FAM227A: variants seen among roughly 807,000 people sequenced by gnomAD.
The protein encoded by FAM227A is protein FAM227A.
In FAM227A, 80 loss-of-function variants were observed where a neutral mutation model predicts 74.7. The ratio of observed to expected loss-of-function variants is 1.07; its 90% CI spans 0.89 to 1.29. FAM227A has a LOEUF of 1.29. FAM227A is among the 50% of genes most tolerant of loss of function. The pLI is 0.00. For missense variants in FAM227A, 654 were observed against 683.4 expected (o/e 0.96, Z 0.48); for synonymous variants, 237 against 241.8 (o/e 0.98, Z 0.19).
chr22:38,650,211 T>C lies in FAM227A; in HGVS notation c.-43A>G, dbSNP rs2092304488. The C allele has an allele frequency of 1.3e-6, 2 of 1,541,942 alleles. No homozygotes were observed. Among genetic ancestry groups the C allele is most frequent in the Non-Finnish European group, 1.8e-6 (2 of 1,140,054 alleles). On this transcript the variant is annotated 5_prime_UTR_variant, in exon 2 of 17. An upstream open reading frame in the 5' UTR loses its in-frame stop. Transcript: ENST00000535113. ...ATGGACAAACAAAAAGCTTCCACTT[T>C]TAAGAGCCTCTCATTTCCCACTCCA...
At chr22:38,613,230 A>AT (rs1171972968) in intron 11 of FAM227A, among the ~76,000 whole-genome samples, 2 of 55,218 alleles carry the variant, frequency 3.6e-5, no homozygotes, top group Non-Finnish European at 6.4e-5. Flanking sequence ...TATATATATT[A>AT]TATATATAAT....
chr22:38,605,152 C>T, intron 13 of FAM227A, 102 bp downstream of exon 13: 1 of 692,592 alleles, frequency 1.4e-6, no homozygotes, highest in Non-Finnish European at 2.5e-6. Context: ...TAGTACCTGG[C>T]ATATAGTAAA....
At chr22:38,588,609 T>C (rs1419367886) in intron 16 of FAM227A, among the ~76,000 whole-genome samples, 3 of 80,398 alleles carry the variant, frequency 3.7e-5, no homozygotes, top group Non-Finnish European at 7.0e-5. Flanking sequence ...ACAGAGTGAC[T>C]CTGTCTAAAA....
intron 6 of FAM227A, among the ~76,000 whole-genome samples, chr22:38,633,326 C>T (rs889653234): frequency 5.3e-5 from 8 of 152,144 alleles, no homozygotes; most frequent in South Asian, 2.1e-4. Flanking sequence ...TGAAGGAAAA[C>T]GTTCCTCATA....
chr22:38,616,306 G>A (rs2091574590), intron 11 of FAM227A, among the ~76,000 whole-genome samples: 1 of 152,246 alleles, frequency 6.6e-6, no homozygotes, highest in African/African-American at 2.4e-5. Context: ...AGCAGCTGCA[G>A]TGGCTGCCGG....
In FAM227A at chr22:38,650,086, A is replaced by G; in HGVS notation, c.83T>C (p.Leu28Pro). The G allele has an allele frequency of 6.4e-7, 1 of 1,552,148 alleles. No individual in the cohort carries two copies. The highest frequency in any genetic ancestry group is 8.7e-7 in the Non-Finnish European group (1 of 1,147,096). ...IPVDEHLAVS[L>P]VARNTMVKTV... ...CTTCACCATTGTATTCCGTGCGACAAGCGAGACAGCCAGGTGCTCATCCAC... is the reference window on the plus strand; with the variant it reads ...CTTCACCATTGTATTCCGTGCGACAGGCGAGACAGCCAGGTGCTCATCCAC... Residue 28 changes from leucine to proline, a missense_variant, in exon 2 of 17, where the codon CTT (leucine) becomes CCT (proline). Leu to Pro is a moderately conservative substitution (Grantham distance 98). Transcript: ENST00000535113.
At chr22:38,649,792 T>G (rs1397884781) in intron 2 of FAM227A, among the ~76,000 whole-genome samples, 1 of 150,094 alleles carries the variant, frequency 6.7e-6, no homozygotes, top group African/African-American at 2.5e-5. Context: ...TGCTCGAACC[T>G]GGGAGGTAGA....
At chr22:38,628,150 T>G (rs1001283675) in intron 8 of FAM227A, 88 bp downstream of exon 8, 1 of 800,058 alleles carries the variant, frequency 1.2e-6, no homozygotes. Flanking sequence ...TACTCCCTTA[T>G]GTAAAGAATG....
In FAM227A at chr22:38,582,386, T is replaced by C. The variant is rs1354100383; in HGVS notation, c.*3739A>G. On this transcript the variant is annotated 3_prime_UTR_variant, in exon 17 of 17. Transcript: ENST00000535113. Reference sequence around the variant, plus strand: ...TTTATCTTCTTCCATGCTGAGAGTATGGGTTTTCAGCAACACTGGGAATGA... The same window carrying C: ...TTTATCTTCTTCCATGCTGAGAGTACGGGTTTTCAGCAACACTGGGAATGA... 3 of 1,550,418 alleles carry C rather than the reference T, an allele frequency of 1.9e-6. No homozygotes were observed. The highest frequency in any genetic ancestry group is 1.4e-5 in the African/African-American group (1 of 73,050).
chr22:38,586,515 C>T (rs549367207), intron 16 of FAM227A, among the ~76,000 whole-genome samples: 13 of 152,230 alleles, frequency 8.5e-5, no homozygotes, highest in South Asian at 6.2e-4. Flanking sequence ...CCTCTGGTGA[C>T]GCTGAAAACC....
At chr22:38,652,651 C>A (rs2092339809) in intron 1 of FAM227A, among the ~76,000 whole-genome samples, 1 of 150,360 alleles carries the variant, frequency 6.7e-6, no homozygotes, top group Non-Finnish European at 1.5e-5. Flanking sequence ...CTTTGGGAAG[C>A]CGAGGCAGGT....
At chr22:38,645,690 A>C (rs752979623) in intron 2 of FAM227A, 45 bp from the exon 3 acceptor site, 1 of 1,256,402 alleles carries the variant, frequency 8.0e-7, no homozygotes, top group Admixed American at 2.0e-5. Flanking sequence ...ATGATTACAC[A>C]CACAACAGGA....
chr22:38,636,380 G>C, intron 6 of FAM227A, 71 bp downstream of exon 6: 2 of 1,484,000 alleles, frequency 1.3e-6, no homozygotes, highest in Non-Finnish European at 1.8e-6. Flanking sequence ...TTCTCCTGGG[G>C]TGTGAAAGGG....
chr22:38,630,226 C>T (rs1376664164), intron 6 of FAM227A, among the ~76,000 whole-genome samples: 1 of 152,264 alleles, frequency 6.6e-6, no homozygotes, highest in Non-Finnish European at 1.5e-5. Context: ...CGGAAAGACC[C>T]GGTGGCATTG....
At chr22:38,623,460 T>C (rs2091734983) in intron 9 of FAM227A, among the ~76,000 whole-genome samples, 181 bp from the exon 10 acceptor site, 1 of 152,230 alleles carries the variant, frequency 6.6e-6, no homozygotes. Flanking sequence ...TGGACGCTTC[T>C]GCAAAAGAGG....
At chr22:38,613,260 TTATAA>T (rs2091479223) in intron 11 of FAM227A, among the ~76,000 whole-genome samples, 1 of 61,642 alleles carries the variant, frequency 1.6e-5, no homozygotes, top group African/African-American at 6.8e-5. Context: ...ATAACATATA[TTATAA>T]CATATATTAT....
Position 38,578,180 on chromosome 22 carries a change from G to T in FAM227A, c.*7945C>A, listed in dbSNP as rs555727811. 6.6e-6 allele frequency: 1 copy of T among 152,164 alleles called. No individual in the cohort carries two copies. The highest frequency in any genetic ancestry group is 6.5e-5 in the Admixed American group (1 of 15,282). The allele number at this position is 152,164 out of a possible 1,614,324, so 9.4% of individuals were successfully genotyped here. A position where few individuals can be genotyped will look rare whatever the true frequency, so the allele number is the denominator to read the frequency against. The stretch of plus-strand genomic sequence containing the variant: ...ATTGTGTACTATATTTTATATGACT[G>T]GCAGGCAACACAGTACATTTGTTCA... On this transcript the variant is annotated 3_prime_UTR_variant, in exon 17 of 17. Coordinates refer to ENST00000535113, the MANE Select transcript of FAM227A (RefSeq NM_001013647.2).
intron 6 of FAM227A, among the ~76,000 whole-genome samples, chr22:38,630,715 AGAT>A (rs1376002536): frequency 3.3e-5 from 5 of 152,358 alleles, no homozygotes; most frequent in African/African-American, 1.2e-4. Flanking sequence ...CAGGTGCTCA[AGAT>A]GATGCCATAG....
At position 38,626,891 on chromosome 22, in the gene FAM227A, AATATATATAT is replaced by A. The variant is rs1555966997; in HGVS notation, c.727-598_727-589del. On this transcript the variant is annotated intron_variant, in intron 8 of 16. Transcript: ENST00000535113. ...AAAAAAAAAAAAAAAAAAAAAAAAA[AATATATATAT>A]ATATATATATATACACGTATATATA... Among the ~76,000 whole-genome samples the A allele has an allele frequency of 5.7e-4, 33 of 57,690 alleles. 1 individual carries two copies. Among genetic ancestry groups the A allele is most frequent in the African/African-American group, 2.7e-3 (31 of 11,442 alleles). 37.8% of individuals were successfully genotyped at this position (57,690 alleles called of 152,430 possible). A position where few individuals can be genotyped will look rare whatever the true frequency, so the allele number is the denominator to read the frequency against.
Sources: gnomAD v4.1 joint callset for allele counts (sites outside exome capture counted in the v4.1 genomes callset) on GRCh38, gnomAD v4.1.1 for gene constraint, MANE v1.5 for transcripts, NCBI Gene and HGNC (gene_info 2026-07-23, HGNC 2026-07-21) for gene names.